CAMK4: variants seen among roughly 807,000 people sequenced by gnomAD.
CAMK4 encodes the protein calcium/calmodulin-dependent protein kinase type IV.
Under a neutral mutation model 44.9 loss-of-function variants are expected in CAMK4, and 22 were observed. The ratio of observed to expected loss-of-function variants is 0.49; its 90% CI spans 0.35 to 0.70. The LOEUF (loss-of-function observed/expected upper bound fraction) is 0.70, where lower values mean the gene tolerates loss of function less well. Ranked by LOEUF, CAMK4 falls within the 30% of genes least tolerant of loss-of-function variation. CAMK4 has a pLI of 0.01. For missense variants in CAMK4, 498 were observed against 586.8 expected (o/e 0.85, Z 1.56); for synonymous variants, 218 against 215.4 (o/e 1.01, Z -0.11).
chr5:111,344,398 ATATATATATATATG>A (rs1749780802), intron 2 of CAMK4, among the ~76,000 whole-genome samples: 1 of 1,960 alleles, frequency 5.1e-4, no homozygotes, highest in Admixed American at 7.5e-3. Context: ...TGGAGATTTT[ATATATATATATATG>A]TATATACACA....
chr5:111,309,882 T>A (rs2112667337), intron 1 of CAMK4, among the ~76,000 whole-genome samples: 1 of 152,280 alleles, frequency 6.6e-6, no homozygotes, highest in Middle Eastern at 3.4e-3. Flanking sequence ...GGGCAGATAT[T>A]GATAAGGGAC....
At chr5:111,274,589 G>T (rs1213781789) in intron 1 of CAMK4, among the ~76,000 whole-genome samples, 1 of 152,122 alleles carries the variant, frequency 6.6e-6, no homozygotes, top group Non-Finnish European at 1.5e-5. Context: ...TATCTCCAGG[G>T]TGGATTTGGA....
intron 1 of CAMK4, among the ~76,000 whole-genome samples, chr5:111,275,585 C>CT (rs1259437149): frequency 6.6e-6 from 1 of 151,910 alleles, no homozygotes; most frequent in Non-Finnish European, 1.5e-5. Flanking sequence ...TTGAAAATGT[C>CT]TTTATTTTGC....
intron 6 of CAMK4, among the ~76,000 whole-genome samples, chr5:111,447,783 A>G (rs1343122674): frequency 2.0e-5 from 3 of 152,250 alleles, no homozygotes; most frequent in African/African-American, 4.8e-5. Flanking sequence ...GGAAGAGCTC[A>G]GATAACATAA....
intron 2 of CAMK4, among the ~76,000 whole-genome samples, chr5:111,347,391 T>A (rs1406924894): frequency 6.6e-6 from 1 of 152,070 alleles, no homozygotes; most frequent in Non-Finnish European, 1.5e-5. Context: ...ACCAAACATC[T>A]TGTGACTCTA....
chr5:111,283,740 C>T (rs1261736698), intron 1 of CAMK4, among the ~76,000 whole-genome samples: 2 of 152,180 alleles, frequency 1.3e-5, no homozygotes, highest in African/African-American at 4.8e-5. Flanking sequence ...GCAACAGAGG[C>T]ATTCCTACTG....
chr5:111,328,856 G>C (rs932816071), intron 1 of CAMK4, among the ~76,000 whole-genome samples: 2 of 152,004 alleles, frequency 1.3e-5, no homozygotes, highest in African/African-American at 4.8e-5. Flanking sequence ...TTTGTACATT[G>C]ATTTTGTATC....
At chr5:111,268,251 G>A (rs767022415) in intron 1 of CAMK4, among the ~76,000 whole-genome samples, 1 of 152,154 alleles carries the variant, frequency 6.6e-6, no homozygotes, top group Non-Finnish European at 1.5e-5. Context: ...TACATTTATG[G>A]TGAATCCCTT....
chr5:111,233,007 A>G (rs1022888863), intron 1 of CAMK4, among the ~76,000 whole-genome samples: 2 of 152,232 alleles, frequency 1.3e-5, no homozygotes, highest in Admixed American at 1.3e-4. Context: ...GTGACATGTC[A>G]TTTATGACAG....
intron 1 of CAMK4, among the ~76,000 whole-genome samples, chr5:111,226,771 G>T (rs1196898819): frequency 6.6e-6 from 1 of 152,196 alleles, no homozygotes; most frequent in Non-Finnish European, 1.5e-5. Context: ...GCTAATGGCC[G>T]GTGCCCAGCA....
At chr5:111,396,631 CTTTTTTTTTTTTTTT>C (rs540495109) in intron 5 of CAMK4, among the ~76,000 whole-genome samples, 6 of 47,010 alleles carry the variant, frequency 1.3e-4, no homozygotes, top group Non-Finnish European at 1.8e-4. Flanking sequence ...AACTCATATT[CTTTTTTTTTTTTTTT>C]TTTTTTTTTT....
Position 111,484,239 on chromosome 5 carries a change from G to T in CAMK4, c.1195G>T (p.Ala399Ser), listed in dbSNP as rs1334973428. 2 of 1,614,160 alleles carry T rather than the reference G, an allele frequency of 1.2e-6. No individual in the cohort carries two copies. Among genetic ancestry groups the T allele is most frequent in the Non-Finnish European group, 8.5e-7 (1 of 1,180,018 alleles). Residue 399 changes from alanine (A) to serine (S), a missense_variant, in exon 11 of 11, where the codon GCC (alanine) becomes TCC (serine). By Grantham distance (99) the Ala-to-Ser change is moderately conservative. This residue lies in a region of CAMK4 where 143 missense variants were observed against 144.9 expected (regional missense o/e 0.99). Transcript: ENST00000282356. This position sits in a 1 kb window ranked among gnomAD's most constrained non-coding sequence, Gnocchi z 5.3. ...GAQAELMKVQ[A>S]LEKVKGADIN... is the part of the protein sequence containing the mutation. Reference sequence around the variant, plus strand: ...ACAGGCTGAGCTGATGAAGGTGCAAGCCTTAGAGAAAGTTAAAGGTGCAGA... The same window carrying T: ...ACAGGCTGAGCTGATGAAGGTGCAATCCTTAGAGAAAGTTAAAGGTGCAGA...
chr5:111,309,796 T>C (rs1442968934), intron 1 of CAMK4, among the ~76,000 whole-genome samples: 1 of 152,128 alleles, frequency 6.6e-6, no homozygotes, highest in Non-Finnish European at 1.5e-5. Context: ...TAAATGTGGG[T>C]TGGATATGGG....
chr5:111,360,162 G>T (rs1561438071), intron 2 of CAMK4, among the ~76,000 whole-genome samples: 1 of 152,032 alleles, frequency 6.6e-6, no homozygotes, highest in Non-Finnish European at 1.5e-5. Flanking sequence ...AAAATTTCCA[G>T]TCAAAGATAT....
intron 5 of CAMK4, among the ~76,000 whole-genome samples, chr5:111,415,485 A>C (rs1388104236): frequency 6.6e-6 from 1 of 152,244 alleles, no homozygotes; most frequent in East Asian, 1.9e-4. Context: ...TTATTGACTT[A>C]ATAAGGAAAG....
intron 4 of CAMK4, among the ~76,000 whole-genome samples, chr5:111,382,719 T>C (rs1275333041): frequency 6.6e-6 from 1 of 152,198 alleles, no homozygotes; most frequent in Non-Finnish European, 1.5e-5. Context: ...GTCATTCAGC[T>C]TATATATGAT....
At chr5:111,321,147 T>G (rs1650786) in intron 1 of CAMK4, among the ~76,000 whole-genome samples, 3 of 151,994 alleles carry the variant, frequency 2.0e-5, no homozygotes, top group South Asian at 4.2e-4. Flanking sequence ...TGGGTGTTCA[T>G]GAGATTAGAG....
chr5:111,232,208 A>C (rs1748507266), intron 1 of CAMK4, among the ~76,000 whole-genome samples: 1 of 152,194 alleles, frequency 6.6e-6, no homozygotes, highest in African/African-American at 2.4e-5. Context: ...TTGGCCTCCA[A>C]GTGCATAGGG....
intron 4 of CAMK4, among the ~76,000 whole-genome samples, chr5:111,392,916 C>T (rs1751860737): frequency 6.6e-6 from 1 of 152,086 alleles, no homozygotes; most frequent in Non-Finnish European, 1.5e-5. Context: ...TAGCCTATTA[C>T]TGACCCAGGA....
Sources: allele counts gnomAD v4.1 joint callset (sites outside exome capture counted in the v4.1 genomes callset), GRCh38; gene constraint gnomAD v4.1.1; regional missense constraint gnomAD v4.1.1; non-coding constraint Gnocchi (gnomAD v3.1); transcripts MANE v1.5; gene names NCBI Gene and HGNC (gene_info 2026-07-23, HGNC 2026-07-21).